Variants in C12orf42 observed in about 807,000 individuals in gnomAD.
The protein encoded by C12orf42 is chromosome 12 open reading frame 42.
A neutral mutation model predicts 21.6 loss-of-function variants in C12orf42; 25 were observed. That is an observed-to-expected ratio of 1.16 (90% confidence interval 0.84 to 1.62). C12orf42 has a LOEUF of 1.62. Among genes scored for constraint, C12orf42 ranks in the 40% most tolerant of loss-of-function variants. The probability of loss-of-function intolerance (pLI) is 0.00; values close to 1 mark genes in which losing one functional copy is unlikely to be tolerated. For missense variants in C12orf42, 483 were observed against 459.3 expected (o/e 1.05, Z -0.47); for synonymous variants, 174 against 175.0 (o/e 0.99, Z 0.05).
At chr12:103,054,532 G>T in the C12orf42 span, among the ~76,000 whole-genome samples, 1 of 151,540 alleles carries the variant, frequency 6.6e-6, no homozygotes, top group African/African-American at 2.4e-5. Context: ...CTGTAAATAG[G>T]GACTGTTACA....
intron 4 of C12orf42, among the ~76,000 whole-genome samples, chr12:103,345,616 C>A (rs568923738): frequency 2.0e-5 from 3 of 151,986 alleles, no homozygotes; most frequent in Non-Finnish European, 2.9e-5. Flanking sequence ...GTAGCCAGAG[C>A]AATAGTTCAT....
At chr12:103,093,553 AAAG>A in the C12orf42 span, among the ~76,000 whole-genome samples, 1 of 152,114 alleles carries the variant, frequency 6.6e-6, no homozygotes, top group African/African-American at 2.4e-5. Context: ...GGTTGGAGGG[AAAG>A]GTGAGAGGAA....
the C12orf42 span, among the ~76,000 whole-genome samples, chr12:103,106,865 T>C: frequency 1.5e-4 from 23 of 152,074 alleles, no homozygotes; most frequent in African/African-American, 5.3e-4. Context: ...AATAAAAATA[T>C]AAAATCTTGC....
intron 5 of C12orf42, among the ~76,000 whole-genome samples, chr12:103,276,732 C>T (rs374246073): frequency 1.2e-4 from 18 of 152,182 alleles, no homozygotes; most frequent in African/African-American, 2.9e-4. Context: ...ATTATCATAA[C>T]GTAATGAAAG....
the C12orf42 span, among the ~76,000 whole-genome samples, chr12:103,519,426 A>C: frequency 2.0e-5 from 3 of 152,008 alleles, no homozygotes; most frequent in Non-Finnish European, 4.4e-5. Flanking sequence ...AATTCATCTC[A>C]ATAGATATGT....
chr12:103,460,166 C>A (rs996791682), intron 2 of C12orf42, among the ~76,000 whole-genome samples: 1 of 152,092 alleles, frequency 6.6e-6, no homozygotes, highest in Non-Finnish European at 1.5e-5. Flanking sequence ...ATCCAACTAT[C>A]CATGTGGCAC....
At chr12:103,423,060 A>G (rs1353013691) in intron 2 of C12orf42, among the ~76,000 whole-genome samples, 9 of 152,178 alleles carry the variant, frequency 5.9e-5, no homozygotes, top group Admixed American at 5.9e-4. Flanking sequence ...TAACAGAAAT[A>G]AAAATAAGGA....
At chr12:103,360,694 C>A (rs541098372) in intron 4 of C12orf42, among the ~76,000 whole-genome samples, 1 of 151,398 alleles carries the variant, frequency 6.6e-6, no homozygotes, top group Admixed American at 6.6e-5. Flanking sequence ...TATTGAGTTA[C>A]CACAGTAGGC....
chr12:103,302,873 A>G (rs776784435), intron 5 of C12orf42, among the ~76,000 whole-genome samples: 1 of 152,210 alleles, frequency 6.6e-6, no homozygotes, highest in Non-Finnish European at 1.5e-5. Context: ...CTAAAGAGAG[A>G]GACATAGAAG....
chr12:103,074,397 C>A, the C12orf42 span, among the ~76,000 whole-genome samples: 16 of 152,100 alleles, frequency 1.1e-4, no homozygotes, highest in Admixed American at 1.0e-3. Context: ...CTCCTGTCTG[C>A]AAATAGCTTG....
At chr12:103,354,683 G>T (rs1243841003) in intron 4 of C12orf42, among the ~76,000 whole-genome samples, 1 of 152,072 alleles carries the variant, frequency 6.6e-6, no homozygotes. Context: ...ATAAGTTGGG[G>T]CATTCTATTA....
chr12:103,102,335 C>CT, the C12orf42 span, among the ~76,000 whole-genome samples: 1 of 152,170 alleles, frequency 6.6e-6, no homozygotes, highest in Admixed American at 6.5e-5. Context: ...TACTGGATGA[C>CT]TAAGTTCATG....
chr12:103,174,538 T>G, the C12orf42 span, among the ~76,000 whole-genome samples: 80,734 of 151,720 alleles, frequency 0.53, 21,715 homozygotes, highest in East Asian at 0.69. Context: ...CACACAGCTG[T>G]TAGGTAATAG....
At chr12:103,235,656 G>A (rs2033444371), downstream of C12orf42, among the ~76,000 whole-genome samples, 1 of 152,064 alleles carries the variant, frequency 6.6e-6, no homozygotes, top group Admixed American at 6.5e-5. Context: ...TCTCTAAGTG[G>A]CTTTAATAAC....
intron 4 of C12orf42, among the ~76,000 whole-genome samples, chr12:103,326,371 T>C (rs1035190971): frequency 2.0e-5 from 3 of 151,966 alleles, no homozygotes; most frequent in African/African-American, 4.8e-5. Flanking sequence ...CTATTCTCCA[T>C]AGAGCCACCA....
the C12orf42 span, among the ~76,000 whole-genome samples, chr12:103,098,199 T>C: frequency 2.0e-5 from 3 of 152,230 alleles, no homozygotes; most frequent in Admixed American, 1.3e-4. Context: ...AATGGAAATA[T>C]GTACACTTGT....
At chr12:103,524,964 G>C in the C12orf42 span, among the ~76,000 whole-genome samples, 25 of 149,962 alleles carry the variant, frequency 1.7e-4, no homozygotes, top group Non-Finnish European at 2.4e-4. Flanking sequence ...AGTTTTTTTG[G>C]GGGGGGGGCA....
the C12orf42 span, among the ~76,000 whole-genome samples, chr12:103,511,658 T>C: frequency 6.6e-6 from 1 of 152,222 alleles, no homozygotes; most frequent in South Asian, 2.1e-4. Context: ...GGCTTGTTAG[T>C]GCATCTTGAA....
chr12:103,299,984 CAAGG>C (rs1386030847), downstream of C12orf42, among the ~76,000 whole-genome samples: 2 of 152,166 alleles, frequency 1.3e-5, no homozygotes, highest in Non-Finnish European at 2.9e-5. Flanking sequence ...TACACTGCTC[CAAGG>C]AAGAAAAGGG....
Sources: gnomAD v4.1 joint callset for allele counts (sites outside exome capture counted in the v4.1 genomes callset) on GRCh38, gnomAD v4.1.1 for gene constraint, MANE v1.5 for transcripts, NCBI Gene and HGNC (gene_info 2026-07-23, HGNC 2026-07-21) for gene names.